ITGAL: variants seen among roughly 807,000 people sequenced by gnomAD.
ITGAL encodes the protein integrin alpha-L.
A neutral mutation model predicts 138.4 loss-of-function variants in ITGAL; 68 were observed. The observed-to-expected ratio is 0.49, with a 90% confidence interval of 0.40 to 0.60. ITGAL has a LOEUF of 0.60. ITGAL is among the 20% of genes least tolerant of loss of function. The pLI, the probability that ITGAL is intolerant of heterozygous loss-of-function variation, is 0.00. For missense variants in ITGAL, 1,256 were observed against 1,478.6 expected, an observed-to-expected ratio of 0.85 and a Z score of 2.47; for synonymous variants, 561 against 584.3, an observed-to-expected ratio of 0.96 and a Z score of 0.57.
chr16:30,505,198 C>T lies in ITGAL; in HGVS notation c.2236-46C>T, dbSNP rs538261121. On this transcript the variant is annotated intron_variant, in intron 18 of 30. Transcript: ENST00000356798. ...CTCTCCTTCATGAGGTCTGCTGCCT[C>T]AGTTAATCTCTCCTCTCTCCATCCT... 10 of 1,510,418 alleles carry T rather than the reference C, an allele frequency of 6.6e-6. No individual in the cohort carries two copies. In the South Asian group the frequency reaches 1.0e-4, roughly 16 times the overall value. 93.6% of individuals were successfully genotyped at this position (1,510,418 alleles called of 1,614,324 possible). A position where few individuals can be genotyped will look rare whatever the true frequency, so the allele number is the denominator to read the frequency against.
In ITGAL at chr16:30,519,860, G is replaced by A. The variant is rs2051226155; in HGVS notation, c.3232G>A (p.Val1078Ile). The change falls in exon 30 of 31, where the codon GTC becomes ATC. Residue 1078 changes from valine (V) to isoleucine (I), a missense_variant. Around this residue, in one of 3 missense-constraint regions of ITGAL, gnomAD observed 867 missense variants for 972.5 expected, o/e 0.89. Coordinates refer to ENST00000356798, the MANE Select transcript of ITGAL (RefSeq NM_002209.3). Reference protein sequence around the residue: ...YGSNASLAQVVMKVDVVYEKQ... With the variant: ...YGSNASLAQVIMKVDVVYEKQ... ...ACTCCCCTCCCCCTGCTCCCAGGTT[G>A]TCATGAAGGTTGACGTGGTGTATGA... 1.9e-6 allele frequency: 3 copies of A among 1,611,326 alleles called. No individual in the cohort carries two copies. In the Admixed American group the frequency reaches 5.0e-5, roughly 27 times the overall value.
At chr16:30,472,954 A>G in intron 1 of ITGAL, 56 bp downstream of exon 1, 1 of 1,530,896 alleles carries the variant, frequency 6.5e-7, no homozygotes, top group Non-Finnish European at 9.0e-7. Flanking sequence ...GAGAAACTGC[A>G]GGGCTTGGTG....
intron 2 of ITGAL, 170 bp downstream of exon 2, chr16:30,474,468 G>A (rs2151140228): frequency 3.3e-6 from 2 of 601,460 alleles, no homozygotes; most frequent in East Asian, 5.6e-5. Flanking sequence ...AGGAGTGAGG[G>A]ATCAAAAAGC....
In ITGAL at chr16:30,479,365, G is replaced by C. The variant is rs142110125; in HGVS notation, c.480G>C (p.Leu160=). The C allele has an allele frequency of 1.2e-6, 2 of 1,613,986 alleles. No homozygotes were observed. Among genetic ancestry groups the C allele is most frequent in the African/African-American group, 2.7e-5 (2 of 74,912 alleles). ...AGGGCAACGTAGACCTGGTATTTCT[G>C]TTTGATGGTTCGATGAGCTTGCAGC... ...CIKGNVDLVF[L]FDGSMSLQPD... The change falls in exon 6 of 31, where the codon CTG becomes CTC. Residue 160 remains leucine, a synonymous_variant. Transcript: ENST00000356798.
intron 21 of ITGAL, chr16:30,509,245 T>C (rs1445543584): frequency 6.6e-6 from 1 of 152,116 alleles, no homozygotes; most frequent in Non-Finnish European, 1.5e-5. Context: ...GTTCAAGTTC[T>C]TACGGATCCC....
chr16:30,509,994 G>A (rs184862399), intron 21 of ITGAL, among the ~76,000 whole-genome samples: 38 of 151,506 alleles, frequency 2.5e-4, no homozygotes, highest in African/African-American at 8.0e-4. Flanking sequence ...ACCCGAGATC[G>A]CACCATTGCA....
chr16:30,481,992 A>G (rs2050567534), intron 7 of ITGAL, among the ~76,000 whole-genome samples: 1 of 152,130 alleles, frequency 6.6e-6, no homozygotes, highest in South Asian at 2.1e-4. Context: ...CCCAGGTTCA[A>G]GCCATTCTCC....
intron 17 of ITGAL, among the ~76,000 whole-genome samples, chr16:30,500,567 A>G (rs1213911125): frequency 4.6e-5 from 7 of 151,098 alleles, no homozygotes; most frequent in Admixed American, 4.6e-4. Context: ...AAATTTTTTT[A>G]GAGACAGGGC....
At chr16:30,489,713 A>G (rs1258353078) in intron 11 of ITGAL, among the ~76,000 whole-genome samples, 1 of 152,120 alleles carries the variant, frequency 6.6e-6, no homozygotes, top group African/African-American at 2.4e-5. Flanking sequence ...AGGCAGGTGG[A>G]TCACCTGAAG....
intron 17 of ITGAL, among the ~76,000 whole-genome samples, chr16:30,503,395 C>T (rs1031599819): frequency 4.0e-5 from 6 of 151,554 alleles, no homozygotes; most frequent in African/African-American, 1.5e-4. Flanking sequence ...TTGACTGTCA[C>T]TCCAAGCTCT....
In ITGAL at chr16:30,513,811, G is replaced by A; in HGVS notation, c.2827G>A (p.Gly943Ser). 1 of 1,613,770 alleles carries A rather than the reference G, an allele frequency of 6.2e-7. No homozygotes were observed. Among genetic ancestry groups the A allele is most frequent in the Non-Finnish European group, 8.5e-7 (1 of 1,179,762 alleles). The change falls in exon 25 of 31, where the codon GGC (glycine) becomes AGC (serine). Residue 943 changes from glycine (G) to serine (S), a missense_variant. Physicochemically the swap from Gly to Ser is moderately conservative, Grantham distance 56. Transcript: ENST00000356798. Reference protein sequence around the residue: ...STLYVSFTPKGPKIHQVKHMY... With the variant: ...STLYVSFTPKSPKIHQVKHMY... ...ACTCTATGTCAGTTTCACCCCCAAA[G>A]GCCCCAAGATCCACCAAGTCAAGCA...
chr16:30,478,946 C>A, intron 4 of ITGAL, 145 bp from the exon 5 acceptor site: 1 of 669,516 alleles, frequency 1.5e-6, no homozygotes, highest in Non-Finnish European at 2.7e-6. Context: ...ACTGTGGAGG[C>A]GGACATTCCT....
intron 1 of ITGAL, among the ~76,000 whole-genome samples, chr16:30,473,307 C>A (rs1244593460): frequency 6.6e-6 from 1 of 152,158 alleles, no homozygotes; most frequent in East Asian, 1.9e-4. Flanking sequence ...GTGGCACAGG[C>A]CTGTAATCCC....
chr16:30,507,884 TA>T (rs1301418466), intron 21 of ITGAL, among the ~76,000 whole-genome samples: 2 of 152,076 alleles, frequency 1.3e-5, no homozygotes, highest in Admixed American at 6.6e-5. Context: ...TTATTCTTTT[TA>T]TTTTTTTATT....
intron 20 of ITGAL, among the ~76,000 whole-genome samples, chr16:30,505,783 T>C (rs1381207496): frequency 1.3e-5 from 2 of 152,002 alleles, no homozygotes; most frequent in African/African-American, 4.8e-5. Context: ...ACTTGGGAGA[T>C]TGAGGCAGAG....
chr16:30,513,821 T>C lies in ITGAL; in HGVS notation c.2837T>C (p.Ile946Thr). ...AGTTTCACCCCCAAAGGCCCCAAGATCCACCAAGTCAAGCACATGTACCAG... is the reference window on the plus strand; with the variant it reads ...AGTTTCACCCCCAAAGGCCCCAAGACCCACCAAGTCAAGCACATGTACCAG... ...YVSFTPKGPK[I>T]HQVKHMYQVR... is the part of the protein sequence containing the mutation. The change falls in exon 25 of 31, where the codon ATC (isoleucine) becomes ACC (threonine). Residue 946 changes from isoleucine (I) to threonine (T), a missense_variant. Ile to Thr is a moderately conservative substitution (Grantham distance 89). Around this residue, in one of 3 missense-constraint regions of ITGAL, gnomAD observed 867 missense variants for 972.5 expected, o/e 0.89. Coordinates refer to ENST00000356798, the MANE Select transcript of ITGAL (RefSeq NM_002209.3). 1 of 1,613,058 alleles carries C rather than the reference T, an allele frequency of 6.2e-7. No homozygotes were observed. Among genetic ancestry groups the C allele is most frequent in the Admixed American group, 1.7e-5 (1 of 59,984 alleles).
chr16:30,518,116 A>G (rs2151208161), intron 28 of ITGAL, among the ~76,000 whole-genome samples: 1 of 152,280 alleles, frequency 6.6e-6, no homozygotes. Context: ...TTCTTTATAG[A>G]AAAGCTTTCC....
intron 27 of ITGAL, 27 bp downstream of exon 27, chr16:30,517,732 TG>T: frequency 6.2e-7 from 1 of 1,613,452 alleles, no homozygotes; most frequent in Non-Finnish European, 8.5e-7. Flanking sequence ...TGAGAGACGG[TG>T]GGGCTGGGCG....
At chr16:30,501,316 C>T (rs1337500757) in intron 17 of ITGAL, among the ~76,000 whole-genome samples, 1 of 151,648 alleles carries the variant, frequency 6.6e-6, no homozygotes, top group Non-Finnish European at 1.5e-5. Context: ...TGGTTCATAC[C>T]TGTAATCCCA....
Sources: gnomAD v4.1 joint callset for allele counts (sites outside exome capture counted in the v4.1 genomes callset) on GRCh38, gnomAD v4.1.1 for gene constraint, gnomAD v4.1.1 regional missense constraint, MANE v1.5 for transcripts, NCBI Gene and HGNC (gene_info 2026-07-23, HGNC 2026-07-21) for gene names.